Variants in KCNT2 observed in about 807,000 individuals in gnomAD.
The protein encoded by KCNT2 is potassium sodium-activated channel subfamily T member 2, also known as potassium channel subfamily T member 2.
A neutral mutation model predicts 153.8 loss-of-function variants in KCNT2; 67 were observed. The ratio of observed to expected loss-of-function variants is 0.44; its 90% CI spans 0.36 to 0.53. The LOEUF (loss-of-function observed/expected upper bound fraction) is 0.53, where lower values mean the gene tolerates loss of function less well. Among genes scored for constraint, KCNT2 ranks in the 20% least tolerant of loss-of-function variants. The pLI, the probability that KCNT2 is intolerant of heterozygous loss-of-function variation, is 0.00. For synonymous variants in KCNT2, 500 were observed against 458.8 expected, an observed-to-expected ratio of 1.09 and a Z score of -1.15; for missense variants, 975 against 1,354.8, an observed-to-expected ratio of 0.72 and a Z score of 4.40.
intron 2 of KCNT2, among the ~76,000 whole-genome samples, chr1:196,490,377 A>G (rs1022271353): frequency 1.3e-5 from 2 of 150,580 alleles, no homozygotes; most frequent in African/African-American, 4.8e-5. Flanking sequence ...AGATTTGATT[A>G]TAAAGAAATT....
intron 22 of KCNT2, among the ~76,000 whole-genome samples, chr1:196,298,277 T>C (rs192175965): frequency 7.9e-4 from 120 of 152,258 alleles, no homozygotes; most frequent in Admixed American, 2.0e-3. Context: ...CTGCACCCAA[T>C]TTAAACACCA....
At chr1:196,434,100 G>T (rs977063076) in intron 8 of KCNT2, among the ~76,000 whole-genome samples, 4 of 151,912 alleles carry the variant, frequency 2.6e-5, no homozygotes, top group Non-Finnish European at 4.4e-5. Context: ...ACAGTTTATT[G>T]GCTCAGCTGC....
intron 1 of KCNT2, among the ~76,000 whole-genome samples, chr1:196,549,012 G>C (rs1015875033): frequency 6.6e-6 from 1 of 151,858 alleles, no homozygotes; most frequent in Non-Finnish European, 1.5e-5. Flanking sequence ...TTGTGGGGTG[G>C]GGGAGGGAGG....
chr1:196,342,396 A>G (rs1342687858), intron 14 of KCNT2, 168 bp from the exon 15 acceptor site: 1 of 310,146 alleles, frequency 3.2e-6, no homozygotes, highest in Admixed American at 5.3e-5. Context: ...ATTATATGCA[A>G]GAGTTTCTAA....
At chr1:196,568,264 T>C (rs1367614342) in intron 1 of KCNT2, among the ~76,000 whole-genome samples, 1 of 152,082 alleles carries the variant, frequency 6.6e-6, no homozygotes, top group Non-Finnish European at 1.5e-5. Context: ...ATCCCTTGTA[T>C]GTGCAGTTCA....
In KCNT2 at chr1:196,404,812, T is replaced by C. The variant is rs78897417; in HGVS notation, c.1186-6141A>G. The stretch of plus-strand genomic sequence containing the variant: ...CCTAGCTTATCCCCAGAACCTAGCA[T>C]TCATTTGCATATCACAGGTGAATAA... On this transcript the variant is annotated intron_variant, in intron 12 of 27. Coordinates refer to ENST00000294725, the MANE Select transcript of KCNT2 (RefSeq NM_198503.5). Among the ~76,000 whole-genome samples the C allele has an allele frequency of 9.2e-5, 14 of 151,816 alleles. No individual in the cohort carries two copies. In the East Asian group the frequency reaches 2.7e-3, roughly 30 times the overall value.
chr1:196,448,830 G>C (rs1034506203), intron 8 of KCNT2, among the ~76,000 whole-genome samples: 2 of 151,264 alleles, frequency 1.3e-5, no homozygotes, highest in African/African-American at 4.8e-5. Context: ...TCTACCTAAC[G>C]ACACTCTAGA....
At chr1:196,494,249 A>G (rs1045470258) in intron 1 of KCNT2, among the ~76,000 whole-genome samples, 10 of 152,210 alleles carry the variant, frequency 6.6e-5, no homozygotes, top group Admixed American at 3.9e-4. Flanking sequence ...TTATGGCTAC[A>G]TAAACAAATT....
At chr1:196,369,247 G>C (rs186664825) in intron 14 of KCNT2, among the ~76,000 whole-genome samples, 11 of 152,228 alleles carry the variant, frequency 7.2e-5, no homozygotes, top group African/African-American at 2.2e-4. Context: ...TGATAATCCA[G>C]CATTTCCTTG....
chr1:196,276,072 C>T (rs1658539460), intron 25 of KCNT2, among the ~76,000 whole-genome samples: 1 of 151,784 alleles, frequency 6.6e-6, no homozygotes, highest in South Asian at 2.1e-4. Context: ...TAGAATATGC[C>T]TGATTATTAT....
At chr1:196,344,081 A>G (rs1314935918) in intron 14 of KCNT2, among the ~76,000 whole-genome samples, 1 of 152,104 alleles carries the variant, frequency 6.6e-6, no homozygotes, top group Non-Finnish European at 1.5e-5. Context: ...CCCCTGGCCA[A>G]ACTCTACAAT....
At chr1:196,363,689 G>T (rs1329992683) in intron 14 of KCNT2, among the ~76,000 whole-genome samples, 1 of 152,090 alleles carries the variant, frequency 6.6e-6, no homozygotes, top group Non-Finnish European at 1.5e-5. Context: ...TTCTGCCATG[G>T]GATGACACAG....
At chr1:196,483,099 A>C (rs1679139230) in intron 3 of KCNT2, among the ~76,000 whole-genome samples, 1 of 152,150 alleles carries the variant, frequency 6.6e-6, no homozygotes, top group Non-Finnish European at 1.5e-5. Context: ...GGAAAAGATA[A>C]AAATAATTAC....
intron 8 of KCNT2, among the ~76,000 whole-genome samples, chr1:196,435,844 C>A (rs925985868): frequency 6.6e-6 from 1 of 151,602 alleles, no homozygotes; most frequent in African/African-American, 2.4e-5. Context: ...CAACTACTTC[C>A]CTTTTTATTA....
At chr1:196,275,411 G>C (rs202234017) in intron 25 of KCNT2, among the ~76,000 whole-genome samples, 1 of 138,026 alleles carries the variant, frequency 7.2e-6, no homozygotes, top group Admixed American at 7.4e-5. Context: ...ACTTTCTGCT[G>C]TGTTTGTGTG....
rs577005559 is a variant in KCNT2, at chr1:196,287,599, C to T, written c.2596-1841G>A. Among the ~76,000 whole-genome samples the T allele has an allele frequency of 2.0e-4, 31 of 152,212 alleles. No homozygotes were observed. In the South Asian group the frequency reaches 5.4e-3, roughly 26 times the overall value. On this transcript the variant is annotated intron_variant, in intron 22 of 27. Transcript: ENST00000294725. ...TCTTCCCATCTCCACACATCTGAAT[C>T]CTATTGATACCACCTTAAACAGCAA...
At chr1:196,525,246 C>T (rs1654018588) in intron 1 of KCNT2, among the ~76,000 whole-genome samples, 1 of 152,090 alleles carries the variant, frequency 6.6e-6, no homozygotes, top group Non-Finnish European at 1.5e-5. Context: ...AATCAGTTGT[C>T]TGCACAGCAA....
chr1:196,249,968 A>T (rs1047603569), intron 26 of KCNT2, among the ~76,000 whole-genome samples: 1 of 152,096 alleles, frequency 6.6e-6, no homozygotes, highest in African/African-American at 2.4e-5. Flanking sequence ...AATTTGAATG[A>T]TATTTCATAT....
intron 1 of KCNT2, among the ~76,000 whole-genome samples, chr1:196,527,777 C>G (rs909201256): frequency 6.6e-6 from 1 of 152,160 alleles, no homozygotes; most frequent in Admixed American, 6.5e-5. Context: ...TGCTGGTGCA[C>G]AAGAAGGAAC....
Sources: allele counts gnomAD v4.1 joint callset (sites outside exome capture counted in the v4.1 genomes callset), GRCh38; gene constraint gnomAD v4.1.1; transcripts MANE v1.5; gene names NCBI Gene and HGNC (gene_info 2026-07-23, HGNC 2026-07-21).